Variants in DENND1A observed in about 807,000 individuals in gnomAD.
DENND1A encodes the protein DENN domain containing 1A.
A neutral mutation model predicts 113.7 loss-of-function variants in DENND1A; 51 were observed. The ratio of observed to expected loss-of-function variants is 0.45; its 90% CI spans 0.36 to 0.57. The LOEUF (loss-of-function observed/expected upper bound fraction) is 0.57, where lower values mean the gene tolerates loss of function less well. Ranked by LOEUF, DENND1A falls within the 20% of genes least tolerant of loss-of-function variation. DENND1A has a pLI of 0.00. For missense variants in DENND1A, 1,258 were observed against 1,395.9 expected (o/e 0.90, Z 1.57); for synonymous variants, 565 against 570.8 (o/e 0.99, Z 0.14).
chr9:123,885,027 A>T (rs867970311), intron 1 of DENND1A, among the ~76,000 whole-genome samples: 25 of 128,786 alleles, frequency 1.9e-4, no homozygotes, highest in African/African-American at 6.9e-4. Context: ...ACACACACAC[A>T]CACTCACTCT....
intron 2 of DENND1A, among the ~76,000 whole-genome samples, chr9:123,834,568 T>A (rs1404876649): frequency 6.6e-6 from 1 of 152,186 alleles, no homozygotes; most frequent in Non-Finnish European, 1.5e-5. Context: ...AGAGAACACG[T>A]ATATATATGC....
chr9:123,651,998 A>T lies in DENND1A; in HGVS notation c.618+15T>A, dbSNP rs2062686263. The T allele has an allele frequency of 1.2e-6, 2 of 1,610,756 alleles. No homozygotes were observed. Among genetic ancestry groups the T allele is most frequent in the East Asian group, 4.5e-5 (2 of 44,844 alleles). ...TTAGATCATTAAAAAGCCAGTCTTA[A>T]GACTGTCTACTCACAGTGCTGAGTT... On this transcript the variant is annotated intron_variant, in intron 9 of 23. Transcript: ENST00000394215.
chr9:123,749,278 C>T (rs1259045250), intron 5 of DENND1A, among the ~76,000 whole-genome samples: 1 of 152,200 alleles, frequency 6.6e-6, no homozygotes, highest in Admixed American at 6.5e-5. Flanking sequence ...TTTAAGCTCA[C>T]CTCTGAGTTC....
chr9:123,462,813 C>A (rs1002507562), intron 13 of DENND1A, among the ~76,000 whole-genome samples: 15 of 151,694 alleles, frequency 9.9e-5, no homozygotes, highest in Admixed American at 5.3e-4. Flanking sequence ...ATAAAAACAA[C>A]AAAAAAAATA....
At chr9:123,895,605 G>C (rs10818888) in intron 1 of DENND1A, among the ~76,000 whole-genome samples, 11,431 of 149,864 alleles carry the variant, frequency 0.076, 715 homozygotes, top group African/African-American at 0.17. Context: ...CTGGGCGATA[G>C]AGTGAGACTC....
At chr9:123,426,284 C>G (rs1406968513) in intron 19 of DENND1A, among the ~76,000 whole-genome samples, 2 of 152,172 alleles carry the variant, frequency 1.3e-5, no homozygotes, top group East Asian at 1.9e-4. Flanking sequence ...CTTTCTGATA[C>G]CCATTGTGCC....
At chr9:123,768,614 A>T (rs1023203567) in intron 4 of DENND1A, among the ~76,000 whole-genome samples, 1 of 152,150 alleles carries the variant, frequency 6.6e-6, no homozygotes, top group African/African-American at 2.4e-5. Flanking sequence ...GTTAAGATGT[A>T]ATGTATGTAC....
At chr9:123,687,699 G>A (rs144403299) in intron 5 of DENND1A, among the ~76,000 whole-genome samples, 414 of 152,306 alleles carry the variant, frequency 2.7e-3, no homozygotes, top group Middle Eastern at 0.01. Flanking sequence ...TTCCCAAAAT[G>A]TTTCTGAAAA....
chr9:123,558,522 T>C (rs2057555873), intron 12 of DENND1A, among the ~76,000 whole-genome samples: 1 of 152,090 alleles, frequency 6.6e-6, no homozygotes, highest in Admixed American at 6.5e-5. Context: ...TGGCTAGAAA[T>C]GAGCTTAAAT....
At chr9:123,499,451 C>T (rs373784627) in intron 13 of DENND1A, among the ~76,000 whole-genome samples, 3 of 152,184 alleles carry the variant, frequency 2.0e-5, no homozygotes, top group African/African-American at 4.8e-5. Flanking sequence ...ATATGGTACA[C>T]GGCAGTATTG....
chr9:123,567,440 A>T (rs190774336), intron 12 of DENND1A, among the ~76,000 whole-genome samples: 19 of 151,964 alleles, frequency 1.3e-4, no homozygotes, highest in East Asian at 7.7e-4. Context: ...ATTTTTTTTT[A>T]AAAAAGTGGA....
At chr9:123,660,729 G>GA (rs2063192347) in intron 8 of DENND1A, among the ~76,000 whole-genome samples, 1 of 152,110 alleles carries the variant, frequency 6.6e-6, no homozygotes, top group South Asian at 2.1e-4. Context: ...CAGCCTCCCA[G>GA]AAAAAGTCAA....
intron 4 of DENND1A, chr9:123,759,172 T>A (rs2070828864): frequency 6.6e-6 from 1 of 152,172 alleles, no homozygotes; most frequent in South Asian, 2.1e-4. Context: ...TTAGCTTGGA[T>A]TTCATTCCAT....
intron 19 of DENND1A, among the ~76,000 whole-genome samples, chr9:123,434,844 C>T (rs1035642821): frequency 6.6e-6 from 1 of 152,070 alleles, no homozygotes; most frequent in South Asian, 2.1e-4. Flanking sequence ...ACAGTGGACC[C>T]GGCTTACAGT....
intron 5 of DENND1A, among the ~76,000 whole-genome samples, chr9:123,745,404 G>GACTTTAAAAGA (rs2069405830): frequency 1.3e-5 from 2 of 152,230 alleles, no homozygotes; most frequent in Admixed American, 1.3e-4. Flanking sequence ...TGAAGTGTAT[G>GACTTTAAAAGA]CTGGCGAGTC....
rs116911643 is a variant in DENND1A at position 123,624,960 on chromosome 9, T to C, written c.719+5416A>G. 5.9e-3 allele frequency among the ~76,000 whole-genome samples: 895 copies of C among 152,330 alleles called. 13 individuals carry two copies. Among genetic ancestry groups the C allele is most frequent in the South Asian group, 0.043 (209 of 4,826 alleles). On this transcript the variant is annotated intron_variant, in intron 10 of 23. Transcript: ENST00000394215. ...ATAAAGCTTTTAATTATAAAAACCA[T>C]ACTTTTTCAGTGTAGAAATATTGGA...
chr9:123,659,648 A>C (rs1209500536), intron 8 of DENND1A, among the ~76,000 whole-genome samples: 2 of 152,222 alleles, frequency 1.3e-5, no homozygotes, highest in Non-Finnish European at 2.9e-5. Flanking sequence ...TGAGTTTCTC[A>C]CATTTTCCTT....
At chr9:123,623,189 G>A (rs2061038766) in intron 10 of DENND1A, among the ~76,000 whole-genome samples, 1 of 152,136 alleles carries the variant, frequency 6.6e-6, no homozygotes, top group African/African-American at 2.4e-5. Flanking sequence ...AAGAGAAGAT[G>A]AATTATAAAG....
intron 19 of DENND1A, among the ~76,000 whole-genome samples, chr9:123,423,174 C>G (rs1187799110): frequency 1.3e-5 from 2 of 152,238 alleles, no homozygotes; most frequent in East Asian, 3.8e-4. Context: ...AATGGGGCGG[C>G]AGAGACGGGA....
Sources: allele counts gnomAD v4.1 joint callset (sites outside exome capture counted in the v4.1 genomes callset), GRCh38; gene constraint gnomAD v4.1.1; transcripts MANE v1.5; gene names NCBI Gene and HGNC (gene_info 2026-07-23, HGNC 2026-07-21).